SLC18A3: variants seen among roughly 807,000 people sequenced by gnomAD.
SLC18A3 encodes the protein solute carrier family 18 member A3.
SLC18A3 carries 18 observed loss-of-function variants against 24.2 expected under a neutral mutation model. The ratio of observed to expected loss-of-function variants is 0.74; its 90% CI spans 0.51 to 1.10. The LOEUF (loss-of-function observed/expected upper bound fraction) is 1.10, where lower values mean the gene tolerates loss of function less well. SLC18A3 is among the 50% of genes least tolerant of loss of function. SLC18A3 has a pLI of 0.00. For missense variants in SLC18A3, 744 were observed against 750.7 expected (o/e 0.99, Z 0.10); for synonymous variants, 415 against 355.4 (o/e 1.17, Z -1.89).
At position 49,612,149 on chromosome 10, in the gene SLC18A3, G is replaced by T. The variant is rs748546777; in HGVS notation, c.1409G>T (p.Arg470Leu). 54 of 1,611,242 alleles carry T rather than the reference G, an allele frequency of 3.4e-5. No individual in the cohort carries two copies. Among genetic ancestry groups the T allele is most frequent in the Non-Finnish European group, 4.4e-5 (52 of 1,179,744 alleles). Reference sequence around the variant, plus strand: ...TATGCTCCCGTCTTGCTGCTGCTCCGCAACGTGGGCCTCCTGACGCGCTCC... The same window carrying T: ...TATGCTCCCGTCTTGCTGCTGCTCCTCAACGTGGGCCTCCTGACGCGCTCC... ...LLYAPVLLLL[R>L]NVGLLTRSRS... Residue 470 changes from arginine to leucine, a missense_variant, in exon 1 of 1, where the codon CGC (arginine) becomes CTC (leucine). Transcript: ENST00000374115.
Position 49,610,968 on chromosome 10 carries a change from G to C in SLC18A3, c.228G>C (p.Glu76Asp), listed in dbSNP as rs755992962. ...GCGAGGGCCCCACCCGGACTCCCGA[G>C]GTGTGGGAGCCCACCCTGCCGCTGC... ...GGGEGPTRTP[E>D]VWEPTLPLPT... The change falls in exon 1 of 1, where the codon GAG becomes GAC. Residue 76 changes from glutamate (E) to aspartate (D), a missense_variant. Physicochemically the swap from Glu to Asp is conservative, Grantham distance 45. Coordinates refer to ENST00000374115, the MANE Select transcript of SLC18A3 (RefSeq NM_003055.3). 3.1e-6 allele frequency: 5 copies of C among 1,611,358 alleles called. No individual in the cohort carries two copies. In the South Asian group the frequency reaches 5.5e-5, roughly 18 times the overall value.
In SLC18A3 at chr10:49,612,317, A is replaced by G. The variant is rs868334727; in HGVS notation, c.1577A>G (p.Asn526Ser). The change falls in exon 1 of 1, where the codon AAC becomes AGC. Residue 526 changes from asparagine (N) to serine (S), a missense_variant. Physicochemically the swap from Asn to Ser is conservative, Grantham distance 46. Transcript: ENST00000374115. The stretch of plus-strand genomic sequence containing the variant: ...TTTGATGCGTGCGAGGACGACTACA[A>G]CTACTACTACACCCGCAGCTAGCAT... ...GPFDACEDDY[N>S]YYYTRS 6.3e-7 allele frequency: 1 copy of G among 1,598,630 alleles called. No individual in the cohort carries two copies. Among genetic ancestry groups the G allele is most frequent in the Middle Eastern group, 1.7e-4 (1 of 5,998 alleles).
Position 49,611,632 on chromosome 10 carries a change from C to G in SLC18A3, c.892C>G (p.Leu298Val). 1 of 1,611,900 alleles carries G rather than the reference C, an allele frequency of 6.2e-7. No homozygotes were observed. Among genetic ancestry groups the G allele is most frequent in the Non-Finnish European group, 8.5e-7 (1 of 1,180,004 alleles). The change falls in exon 1 of 1, where the codon CTC becomes GTC. Residue 298 changes from leucine (L) to valine (V), a missense_variant. Physicochemically the swap from Leu to Val is conservative, Grantham distance 32. Coordinates refer to ENST00000374115, the MANE Select transcript of SLC18A3 (RefSeq NM_003055.3). ...DPYIAVVAGA[L>V]TTCNIPLAFL... ...CTACATTGCCGTGGTGGCCGGCGCG[C>G]TCACCACCTGTAACATTCCCCTCGC...
chr10:49,611,888 T>G lies in SLC18A3; in HGVS notation c.1148T>G (p.Leu383Arg). 1 of 1,610,706 alleles carries G rather than the reference T, an allele frequency of 6.2e-7. No individual in the cohort carries two copies. The highest frequency in any genetic ancestry group is 8.5e-7 in the Non-Finnish European group (1 of 1,179,948). Residue 383 changes from leucine to arginine, a missense_variant, in exon 1 of 1, where the codon CTA becomes CGA. By Grantham distance (102) the Leu-to-Arg change is moderately radical. This residue lies in a region of SLC18A3 where 566 missense variants were observed against 566.2 expected (regional missense o/e 1.00). Coordinates refer to ENST00000374115, the MANE Select transcript of SLC18A3 (RefSeq NM_003055.3). Reference sequence around the variant, plus strand: ...CCCGCCTGCCGCTCCTTCGCGCCGCTAGTGGTCTCACTATGCGGCCTCTGT... The same window carrying G: ...CCCGCCTGCCGCTCCTTCGCGCCGCGAGTGGTCTCACTATGCGGCCTCTGT... The part of the protein sequence containing the change: ...IVPACRSFAP[L>R]VVSLCGLCFG...
At position 49,611,865 on chromosome 10, in the gene SLC18A3, C is replaced by A; in HGVS notation, c.1125C>A (p.Pro375=). The change falls in exon 1 of 1, where the codon CCC becomes CCA. Residue 375 remains proline (P), a synonymous_variant. Transcript: ENST00000374115. ...AVIGASSCIV[P]ACRSFAPLVV... ...TCGGCGCCAGCTCGTGCATCGTGCC[C>A]GCCTGCCGCTCCTTCGCGCCGCTAG... 1.2e-6 allele frequency: 2 copies of A among 1,607,300 alleles called. No homozygotes were observed. Among genetic ancestry groups the A allele is most frequent in the East Asian group, 2.2e-5 (1 of 44,870 alleles).
rs748546701 is a variant in SLC18A3, at chr10:49,611,061, G to A, written c.321G>A (p.Ala107=). Reference sequence around the variant, plus strand: ...CGTCCCCGACAGCTGCGTGGCCAGCGGGCTCAGCCCTTCGGCCCCGCTACC... The same window carrying A: ...CGTCCCCGACAGCTGCGTGGCCAGCAGGCTCAGCCCTTCGGCCCCGCTACC... ...TSASPTAAWP[A]GSALRPRYPT... Residue 107 remains alanine (A), a synonymous_variant, in exon 1 of 1, where the codon GCG becomes GCA. Transcript: ENST00000374115. 3 of 1,614,058 alleles carry A rather than the reference G, an allele frequency of 1.9e-6. No homozygotes were observed. The East Asian group carries it at 6.7e-5, about 36-fold the overall frequency.
chr10:49,611,424 C>T lies in SLC18A3; in HGVS notation c.684C>T (p.Ala228=), dbSNP rs747031093. 3 of 1,597,666 alleles carry T rather than the reference C, an allele frequency of 1.9e-6. No homozygotes were observed. Among genetic ancestry groups the T allele is most frequent in the East Asian group, 2.2e-5 (1 of 44,764 alleles). ...TCATTAGCTTCGGAAGCCTAGTGGC[C>T]CCGCCCTTCGGGGGCATCCTCTATG... ...LAFISFGSLV[A]PPFGGILYEF... Residue 228 remains alanine (A), a synonymous_variant, in exon 1 of 1, where the codon GCC becomes GCT. Transcript: ENST00000374115.
At position 49,610,842 on chromosome 10, in the gene SLC18A3, G is replaced by A. The variant is rs757346271; in HGVS notation, c.102G>A (p.Leu34=). 2 of 1,611,272 alleles carry A rather than the reference G, an allele frequency of 1.2e-6. No individual in the cohort carries two copies. The highest frequency in any genetic ancestry group is 1.7e-6 in the Non-Finnish European group (2 of 1,178,778). ...AGGAGCCCCGGCGGCAGAGGCGCCT[G>A]GTGCTTGTTATCGTGTGCGTGGCGC... The part of the protein sequence containing the change: ...ALQEPRRQRR[L]VLVIVCVALL... Residue 34 remains leucine, a synonymous_variant, in exon 1 of 1, where the codon CTG becomes CTA. Coordinates refer to ENST00000374115, the MANE Select transcript of SLC18A3 (RefSeq NM_003055.3).
Position 49,610,571 on chromosome 10 carries a change from C to G in SLC18A3, c.-170C>G. The stretch of plus-strand genomic sequence containing the variant: ...CTGCAACGCCTCGCCGGACGGAGTC[C>G]TTTCCTTTCCCGGGACGCTGGGCCA... On this transcript the variant is annotated 5_prime_UTR_variant, in exon 1 of 1. Coordinates refer to ENST00000374115, the MANE Select transcript of SLC18A3 (RefSeq NM_003055.3). 1.7e-6 allele frequency: 1 copy of G among 600,702 alleles called. No individual in the cohort carries two copies. The highest frequency in any genetic ancestry group is 3.2e-5 in the East Asian group (1 of 30,974). 37.2% of individuals were successfully genotyped at this position (600,702 alleles called of 1,614,324 possible). A position where few individuals can be genotyped will look rare whatever the true frequency, so the allele number is the denominator to read the frequency against.
In SLC18A3 at chr10:49,612,219, G is replaced by A. The variant is rs376281494; in HGVS notation, c.1479G>A (p.Leu493=). 45 of 1,609,084 alleles carry A rather than the reference G, an allele frequency of 2.8e-5. No homozygotes were observed. In the Admixed American group the frequency reaches 2.8e-4, roughly 10 times the overall value. Residue 493 remains leucine, a synonymous_variant, in exon 1 of 1, where the codon CTG becomes CTA. Transcript: ENST00000374115. ...TGCTTGATGAGCCACCGCAAGGTCT[G>A]TACGATGCGGTGCGCCTGCGTGAGC... ...DVLLDEPPQG[L]YDAVRLRERP...
chr10:49,610,723 G>A lies in SLC18A3; in HGVS notation c.-18G>A. On this transcript the variant is annotated 5_prime_UTR_variant, in exon 1 of 1. Transcript: ENST00000374115. ...GGCCCTGGCGGAGGCGTCCTCGGAA[G>A]AGCATCGGGGTGGGGGCATGGAATC... is the stretch of plus-strand genomic sequence containing the variant. 4.1e-6 allele frequency: 6 copies of A among 1,480,202 alleles called. No individual in the cohort carries two copies. Among genetic ancestry groups the A allele is most frequent in the Non-Finnish European group, 5.4e-6 (6 of 1,120,056 alleles). The allele number at this position is 1,480,202 out of a possible 1,614,324, so 91.7% of individuals were successfully genotyped here.
Position 49,610,761 on chromosome 10 carries a change from G to A in SLC18A3, c.21G>A (p.Ala7=). 2 of 1,540,036 alleles carry A rather than the reference G, an allele frequency of 1.3e-6. No individual in the cohort carries two copies. The highest frequency in any genetic ancestry group is 8.7e-7 in the Non-Finnish European group (1 of 1,146,662). The change falls in exon 1 of 1, where the codon GCG becomes GCA. Residue 7 remains alanine, a synonymous_variant. Coordinates refer to ENST00000374115, the MANE Select transcript of SLC18A3 (RefSeq NM_003055.3). MESAEP[A]GQARAAATKL... ...GGGGCATGGAATCCGCGGAACCTGC[G>A]GGCCAGGCCCGGGCGGCGGCCACCA...
Position 49,612,045 on chromosome 10 carries a change from G to A in SLC18A3, c.1305G>A (p.Gly435=). 6.2e-7 allele frequency: 1 copy of A among 1,613,724 alleles called. No individual in the cohort carries two copies. The highest frequency in any genetic ancestry group is 2.2e-5 in the East Asian group (1 of 44,882). Residue 435 remains glycine, a synonymous_variant, in exon 1 of 1, where the codon GGG becomes GGA. Transcript: ENST00000374115. ...CCTATTCGGTGGCCTACGCGCTCGGGCCCATAGTGGCAGGCCACATTGTGC... is the reference window on the plus strand; with the variant it reads ...CCTATTCGGTGGCCTACGCGCTCGGACCCATAGTGGCAGGCCACATTGTGC... ...DISYSVAYAL[G]PIVAGHIVHS...
rs1228665432 is a variant in SLC18A3 at position 49,610,521 on chromosome 10, G to A, written c.-220G>A. The A allele has an allele frequency of 6.7e-6, 3 of 448,184 alleles. No homozygotes were observed. Among genetic ancestry groups the A allele is most frequent in the African/African-American group, 4.1e-5 (2 of 48,896 alleles). The allele number at this position is 448,184 out of a possible 1,614,324, so 27.8% of individuals were successfully genotyped here. On this transcript the variant is annotated 5_prime_UTR_variant, in exon 1 of 1. Transcript: ENST00000374115. Reference sequence around the variant, plus strand: ...GGCCGCCCCTGAGCCCAGCAGCCGCGGGTCCCGGGATCGGCTAAGAGTAGC... The same window carrying A: ...GGCCGCCCCTGAGCCCAGCAGCCGCAGGTCCCGGGATCGGCTAAGAGTAGC...
chr10:49,612,237 G>A lies in SLC18A3; in HGVS notation c.1497G>A (p.Leu499=). The A allele has an allele frequency of 6.2e-7, 1 of 1,609,666 alleles. No homozygotes were observed. The highest frequency in any genetic ancestry group is 8.5e-7 in the Non-Finnish European group (1 of 1,180,004). Residue 499 remains leucine (L), a synonymous_variant, in exon 1 of 1, where the codon CTG becomes CTA. Transcript: ENST00000374115. The part of the protein sequence containing the change: ...PPQGLYDAVR[L]RERPVSGQDG... ...AAGGTCTGTACGATGCGGTGCGCCT[G>A]CGTGAGCGTCCTGTGTCTGGCCAGG...
chr10:49,611,624 C>T lies in SLC18A3; in HGVS notation c.884C>T (p.Ala295Val). ...CTAGACCCCTACATTGCCGTGGTGG[C>T]CGGCGCGCTCACCACCTGTAACATT... ...LMLDPYIAVV[A>V]GALTTCNIPL... Residue 295 changes from alanine (A) to valine (V), a missense_variant, in exon 1 of 1, where the codon GCC becomes GTC. Around this residue, in one of 3 missense-constraint regions of SLC18A3, gnomAD observed 566 missense variants for 566.2 expected, o/e 1.00. Coordinates refer to ENST00000374115, the MANE Select transcript of SLC18A3 (RefSeq NM_003055.3). 2 of 1,611,562 alleles carry T rather than the reference C, an allele frequency of 1.2e-6. No homozygotes were observed. The highest frequency in any genetic ancestry group is 1.1e-5 in the South Asian group (1 of 91,086).
Position 49,610,976 on chromosome 10 carries a change from A to T in SLC18A3, c.236A>T (p.Glu79Val). 1 of 1,611,570 alleles carries T rather than the reference A, an allele frequency of 6.2e-7. No individual in the cohort carries two copies. The highest frequency in any genetic ancestry group is 1.1e-5 in the South Asian group (1 of 90,926). The change falls in exon 1 of 1, where the codon GAG becomes GTG. Residue 79 changes from glutamate (E) to valine (V), a missense_variant. Physicochemically the swap from Glu to Val is moderately radical, Grantham distance 121. Around this residue, in one of 3 missense-constraint regions of SLC18A3, gnomAD observed 566 missense variants for 566.2 expected, o/e 1.00. Coordinates refer to ENST00000374115, the MANE Select transcript of SLC18A3 (RefSeq NM_003055.3). ...EGPTRTPEVW[E>V]PTLPLPTPAN... ...CCCACCCGGACTCCCGAGGTGTGGG[A>T]GCCCACCCTGCCGCTGCCCACTCCG...
Position 49,612,174 on chromosome 10 carries a change from C to A in SLC18A3, c.1434C>A (p.Ser478=), listed in dbSNP as rs765313360. The A allele has an allele frequency of 6.2e-7, 1 of 1,610,316 alleles. No individual in the cohort carries two copies. The change falls in exon 1 of 1, where the codon TCC becomes TCA. Residue 478 remains serine, a synonymous_variant. Coordinates refer to ENST00000374115, the MANE Select transcript of SLC18A3 (RefSeq NM_003055.3). ...GCAACGTGGGCCTCCTGACGCGCTC[C>A]CGTTCCGAGCGCGATGTGCTGCTTG... ...LLRNVGLLTR[S]RSERDVLLDE...
Position 49,610,995 on chromosome 10 carries a change from C to T in SLC18A3, c.255C>T (p.Pro85=), listed in dbSNP as rs765759606. ...PEVWEPTLPL[P]TPANASAYTA... is the part of the protein sequence containing the mutation. ...TGTGGGAGCCCACCCTGCCGCTGCC[C>T]ACTCCGGCCAATGCCAGCGCCTACA... The change falls in exon 1 of 1, where the codon CCC becomes CCT. Residue 85 remains proline (P), a synonymous_variant. Transcript: ENST00000374115. The T allele has an allele frequency of 1.2e-6, 2 of 1,612,728 alleles. No individual in the cohort carries two copies. The highest frequency in any genetic ancestry group is 1.7e-6 in the Non-Finnish European group (2 of 1,179,244).
Sources: gnomAD v4.1 joint callset for allele counts on GRCh38, gnomAD v4.1.1 for gene constraint, gnomAD v4.1.1 regional missense constraint, MANE v1.5 for transcripts, NCBI Gene and HGNC (gene_info 2026-07-23, HGNC 2026-07-21) for gene names.